PLEKHA1: variants seen among roughly 807,000 people sequenced by gnomAD.
PLEKHA1 encodes pleckstrin homology domain containing A1.
Under a neutral mutation model 52.0 loss-of-function variants are expected in PLEKHA1, and 34 were observed. The observed-to-expected ratio is 0.65, with a 90% CI of 0.50 to 0.87. The LOEUF is 0.87. PLEKHA1 is among the 40% of genes least tolerant of loss of function. PLEKHA1 has a pLI of 0.00. For missense variants in PLEKHA1, 497 were observed against 504.2 expected (o/e 0.99, Z 0.14); for synonymous variants, 163 against 170.7 (o/e 0.95, Z 0.35).
At chr10:122,381,476 C>G (rs539352239) in intron 1 of PLEKHA1, among the ~76,000 whole-genome samples, 1 of 152,160 alleles carries the variant, frequency 6.6e-6, no homozygotes, top group African/African-American at 2.4e-5. Context: ...CTCCTGAGAT[C>G]TGGTTGTTTA....
chr10:122,408,138 T>C (rs541132052), intron 5 of PLEKHA1, among the ~76,000 whole-genome samples: 2 of 152,342 alleles, frequency 1.3e-5, no homozygotes, highest in South Asian at 4.1e-4. Flanking sequence ...TTCTAATAAA[T>C]ATTCCCTGCT....
downstream of PLEKHA1, chr10:122,434,531 A>T (rs2097431070): frequency 6.6e-6 from 1 of 151,994 alleles, no homozygotes; most frequent in African/African-American, 2.4e-5. Flanking sequence ...CTGTCTTGGT[A>T]ATTATTATTA....
intron 2 of PLEKHA1, 33 bp from the exon 3 acceptor site, chr10:122,397,885 G>A: frequency 6.8e-7 from 1 of 1,463,634 alleles, no homozygotes; most frequent in Non-Finnish European, 9.5e-7. Context: ...CATAATATTG[G>A]ATATTAAGTA....
chr10:122,389,308 A>C (rs2096743570), intron 1 of PLEKHA1, among the ~76,000 whole-genome samples: 1 of 152,256 alleles, frequency 6.6e-6, no homozygotes, highest in Non-Finnish European at 1.5e-5. Flanking sequence ...ATCACCTTGC[A>C]CATTTTCATC....
At chr10:122,386,564 A>AG (rs2096702213) in intron 1 of PLEKHA1, 1 of 152,168 alleles carries the variant, frequency 6.6e-6, no homozygotes. Context: ...TCTACCCCTA[A>AG]GGTCCTGAAG....
chr10:122,386,595 C>T (rs2096702952), intron 1 of PLEKHA1: 1 of 152,072 alleles, frequency 6.6e-6, no homozygotes. Flanking sequence ...ATATTTTGTT[C>T]TGGAAGCTTT....
At chr10:122,403,365 A>C (rs928064450) in intron 4 of PLEKHA1, among the ~76,000 whole-genome samples, 6 of 152,190 alleles carry the variant, frequency 3.9e-5, no homozygotes, top group African/African-American at 1.4e-4. Flanking sequence ...CTCTTGATCC[A>C]AAACCGTATA....
intron 1 of PLEKHA1, among the ~76,000 whole-genome samples, chr10:122,379,088 C>G (rs1425250364): frequency 6.6e-6 from 1 of 152,320 alleles, no homozygotes; most frequent in African/African-American, 2.4e-5. Flanking sequence ...TTGGTGAGAT[C>G]TTGCAGGGAG....
chr10:122,417,420 G>A (rs1353470292), intron 7 of PLEKHA1, among the ~76,000 whole-genome samples: 1 of 151,916 alleles, frequency 6.6e-6, no homozygotes, highest in Admixed American at 6.6e-5. Context: ...AGGCCAAGGT[G>A]GGCGGATCAC....
At chr10:122,435,917 T>C (rs1027345990), downstream of PLEKHA1, 1 of 151,724 alleles carries the variant, frequency 6.6e-6, no homozygotes, top group Non-Finnish European at 1.5e-5. Flanking sequence ...AAAAAGATAT[T>C]GTGTACCCTT....
At chr10:122,402,891 C>T (rs61871722) in intron 4 of PLEKHA1, among the ~76,000 whole-genome samples, 3,503 of 152,300 alleles carry the variant, frequency 0.023, 70 homozygotes, top group Non-Finnish European at 0.036. Flanking sequence ...AGCCCCAGAG[C>T]ACTGGGCAGC....
intron 5 of PLEKHA1, among the ~76,000 whole-genome samples, chr10:122,409,580 A>T (rs1315079757): frequency 6.6e-6 from 1 of 152,226 alleles, no homozygotes; most frequent in Admixed American, 6.5e-5. Flanking sequence ...TTTAAAATTT[A>T]AAAATAAATG....
intron 1 of PLEKHA1, among the ~76,000 whole-genome samples, chr10:122,379,157 A>G (rs1234018344): frequency 2.0e-5 from 3 of 152,052 alleles, no homozygotes; most frequent in Non-Finnish European, 2.9e-5. Context: ...TTTCCAACCT[A>G]CACACCCATC....
At position 122,393,474 on chromosome 10, in the gene PLEKHA1, C is replaced by G; in HGVS notation, c.141+133C>G. ...GATTTATTTCTACTGGCTGTCCTCTCTGCCCTGCACCCCTGACCTCTACTG... is the reference window on the plus strand; with the variant it reads ...GATTTATTTCTACTGGCTGTCCTCTGTGCCCTGCACCCCTGACCTCTACTG... On this transcript the variant is annotated intron_variant, in intron 2 of 11. Coordinates refer to ENST00000368990, the MANE Select transcript of PLEKHA1 (RefSeq NM_001001974.4). This position sits in a 1 kb window ranked among gnomAD's most constrained non-coding sequence, Gnocchi z 4.5. The G allele has an allele frequency of 2.5e-6, 2 of 790,440 alleles. No individual in the cohort carries two copies. The highest frequency in any genetic ancestry group is 3.6e-6 in the Non-Finnish European group (2 of 555,480). The allele number at this position is 790,440 out of a possible 1,614,324, so 49.0% of individuals were successfully genotyped here. A position where few individuals can be genotyped will look rare whatever the true frequency, so the allele number is the denominator to read the frequency against.
intron 1 of PLEKHA1, chr10:122,387,993 G>A (rs1043837948): frequency 6.6e-6 from 1 of 152,168 alleles, no homozygotes; most frequent in South Asian, 2.1e-4. Flanking sequence ...GGTAAGTAAC[G>A]TTACAGCATC....
chr10:122,432,565 G>A (rs1334997720), downstream of PLEKHA1: 3 of 152,108 alleles, frequency 2.0e-5, no homozygotes, highest in Non-Finnish European at 4.4e-5. Context: ...TTTGATAGGG[G>A]AAAGAACTTG....
chr10:122,419,508 C>T (rs1421667211), intron 8 of PLEKHA1: 1 of 152,016 alleles, frequency 6.6e-6, no homozygotes, highest in African/African-American at 2.4e-5. Flanking sequence ...TTATTTAAAG[C>T]CAATACTCCC....
intron 7 of PLEKHA1, chr10:122,416,923 T>A (rs2097183744): frequency 6.5e-6 from 1 of 154,416 alleles, no homozygotes. Context: ...AGGAAAATGA[T>A]GGTGAGGGCA....
At chr10:122,414,566 T>C (rs1322731592) in intron 6 of PLEKHA1, among the ~76,000 whole-genome samples, 3 of 152,156 alleles carry the variant, frequency 2.0e-5, no homozygotes, top group Non-Finnish European at 4.4e-5. Context: ...AAAGGACTTT[T>C]ATCTAGAACA....
Sources: allele counts gnomAD v4.1 joint callset (sites outside exome capture counted in the v4.1 genomes callset), GRCh38; gene constraint gnomAD v4.1.1; non-coding constraint Gnocchi (gnomAD v3.1); transcripts MANE v1.5; gene names NCBI Gene and HGNC (gene_info 2026-07-23, HGNC 2026-07-21).